TFEB: variants seen among roughly 807,000 people sequenced by gnomAD.
TFEB encodes the protein transcription factor EB.
A neutral mutation model predicts 48.0 loss-of-function variants in TFEB; 12 were observed. The ratio of observed to expected loss-of-function variants is 0.25; its 90% CI spans 0.16 to 0.40. TFEB has a LOEUF of 0.40. Ranked by LOEUF, TFEB falls within the 10% of genes least tolerant of loss-of-function variation. The probability of loss-of-function intolerance (pLI) is 1.00; values close to 1 mark genes in which losing one functional copy is unlikely to be tolerated. For synonymous variants in TFEB, 244 were observed against 261.4 expected (o/e 0.93, Z 0.64); for missense variants, 509 against 640.3 (o/e 0.79, Z 2.21).
intron 6 of TFEB, among the ~76,000 whole-genome samples, 190 bp from the exon 7 acceptor site, chr6:41,687,359 G>T (rs1287877978): frequency 6.6e-6 from 1 of 152,174 alleles, no homozygotes; most frequent in East Asian, 1.9e-4. Context: ...GCAAAGGCCA[G>T]ACACAATTAA....
intron 1 of TFEB, among the ~76,000 whole-genome samples, chr6:41,721,727 C>T (rs564812468): frequency 3.9e-4 from 60 of 152,226 alleles, no homozygotes; most frequent in Non-Finnish European, 5.0e-4. Flanking sequence ...TCACCATCAC[C>T]CTAGGAGATA....
chr6:41,686,329 G>C, intron 7 of TFEB, 92 bp from the exon 8 acceptor site: 8 of 1,530,858 alleles, frequency 5.2e-6, no homozygotes, highest in Non-Finnish European at 7.1e-6. Flanking sequence ...TATGTGGCCT[G>C]TCCCAGTCTT....
chr6:41,684,662 G>T lies in TFEB; in HGVS notation c.1368C>A (p.Pro456=), dbSNP rs139541095. The change falls in exon 9 of 9, where the codon CCC becomes CCA. Residue 456 remains proline, a synonymous_variant. Coordinates refer to ENST00000373033, the MANE Select transcript of TFEB (RefSeq NM_001271944.2). ...GGCGGCTGCTGGCCTTGGAGGCCTC[G>T]GGGGACATGGTGGACAGAAGTGGAT... The part of the protein sequence containing the change: ...ASDPLLSTMS[P]EASKASSRRS... 2.5e-6 allele frequency: 4 copies of T among 1,612,394 alleles called. No homozygotes were observed. In the African/African-American group the frequency reaches 5.3e-5, roughly 22 times the overall value.
chr6:41,729,113 G>A (rs1032247547), intron 1 of TFEB, among the ~76,000 whole-genome samples: 16 of 151,606 alleles, frequency 1.1e-4, no homozygotes, highest in Non-Finnish European at 2.9e-5. Context: ...CGCCTCCCCT[G>A]CAGCAGGGCT....
At chr6:41,699,010 A>C (rs755232080) in intron 1 of TFEB, among the ~76,000 whole-genome samples, 2 of 152,182 alleles carry the variant, frequency 1.3e-5, no homozygotes, top group East Asian at 3.9e-4. Flanking sequence ...GAGGGGTGGA[A>C]AGGTATCCTA....
At chr6:41,706,472 A>C (rs1770225847) in intron 1 of TFEB, among the ~76,000 whole-genome samples, 1 of 151,788 alleles carries the variant, frequency 6.6e-6, no homozygotes, top group Non-Finnish European at 1.5e-5. Flanking sequence ...CTCCCCTCAC[A>C]ACACACACCT....
At chr6:41,696,761 A>G (rs1465555515) in intron 1 of TFEB, among the ~76,000 whole-genome samples, 1 of 152,222 alleles carries the variant, frequency 6.6e-6, no homozygotes, top group Non-Finnish European at 1.5e-5. Context: ...CTACAAAGCA[A>G]TGACAGCAAA....
At chr6:41,713,946 C>G (rs563216054) in intron 1 of TFEB, among the ~76,000 whole-genome samples, 1 of 152,344 alleles carries the variant, frequency 6.6e-6, no homozygotes, top group East Asian at 1.9e-4. Context: ...CCCACAGGAA[C>G]CCCCCAGCCT....
At chr6:41,700,227 G>A (rs181677732) in intron 1 of TFEB, among the ~76,000 whole-genome samples, 48 of 152,326 alleles carry the variant, frequency 3.2e-4, no homozygotes, top group African/African-American at 1.0e-3. Flanking sequence ...AGCACTTTGG[G>A]AGGCTGAGGC....
intron 1 of TFEB, among the ~76,000 whole-genome samples, chr6:41,703,320 T>C (rs1770034990): frequency 6.6e-6 from 1 of 152,142 alleles, no homozygotes; most frequent in South Asian, 2.1e-4. Context: ...CCTGCATCTG[T>C]CCTGAGTTCT....
rs118013514 is a variant in TFEB, at chr6:41,723,314, C to A, written c.-23+12036G>T. The A allele has an allele frequency of 0.032, 15,011 of 464,526 alleles. 430 individuals carry two copies. Among genetic ancestry groups the A allele is most frequent in the East Asian group, 0.089 (1,130 of 12,626 alleles). 28.8% of individuals were successfully genotyped at this position (464,526 alleles called of 1,614,324 possible). ...GCCAGTGCAGCCTGAGGGGCCTCAT[C>A]CCTACCCACCCACCTCCCCAAAGAC... On this transcript the variant is annotated intron_variant, in intron 1 of 8. Transcript: ENST00000373033. This position sits in a 1 kb window ranked among gnomAD's most constrained non-coding sequence, Gnocchi z 6.0.
upstream of TFEB, chr6:41,735,646 G>A: frequency 1.2e-6 from 1 of 839,486 alleles, no homozygotes; most frequent in Non-Finnish European, 1.4e-6. Flanking sequence ...GGCAGCACCC[G>A]CCCCGCCTCC....
Position 41,734,233 on chromosome 6 carries a change from G to T in TFEB, c.-23+1117C>A, listed in dbSNP as rs1282320618. On this transcript the variant is annotated intron_variant, in intron 1 of 8. Coordinates refer to ENST00000373033, the MANE Select transcript of TFEB (RefSeq NM_001271944.2). This position sits in a 1 kb window ranked among gnomAD's most constrained non-coding sequence, Gnocchi z 4.0. ...GGGAAGGCGCAGCGGCCAGGGGCTGGCGGAGAGCGGAGGGCGGGGGCCTGG... is the reference window on the plus strand; with the variant it reads ...GGGAAGGCGCAGCGGCCAGGGGCTGTCGGAGAGCGGAGGGCGGGGGCCTGG... 1 of 508,250 alleles carries T rather than the reference G, an allele frequency of 2.0e-6. No homozygotes were observed. The highest frequency in any genetic ancestry group is 2.1e-5 in the African/African-American group (1 of 48,132). 31.5% of individuals were successfully genotyped at this position (508,250 alleles called of 1,614,324 possible). A position where few individuals can be genotyped will look rare whatever the true frequency, so the allele number is the denominator to read the frequency against.
intron 1 of TFEB, among the ~76,000 whole-genome samples, chr6:41,708,714 G>A (rs13193232): frequency 0.1 from 15,574 of 152,254 alleles, 1,086 homozygotes; most frequent in Admixed American, 0.18. Context: ...TGAGGAGGCA[G>A]TTATGACCTG....
chr6:41,693,539 G>A (rs1035751869), intron 1 of TFEB, among the ~76,000 whole-genome samples: 7 of 152,100 alleles, frequency 4.6e-5, no homozygotes, highest in Non-Finnish European at 7.4e-5. Flanking sequence ...GCTTATTGCA[G>A]GCTGCCTGGC....
intron 1 of TFEB, among the ~76,000 whole-genome samples, chr6:41,731,850 G>T (rs997509489): frequency 2.0e-5 from 3 of 152,156 alleles, no homozygotes; most frequent in African/African-American, 7.2e-5. Context: ...CTCCCTTCCT[G>T]GGTGTCTGGG....
chr6:41,731,074 T>C (rs1383015627), intron 1 of TFEB, among the ~76,000 whole-genome samples: 2 of 152,164 alleles, frequency 1.3e-5, no homozygotes, highest in Non-Finnish European at 1.5e-5. Context: ...CACTTAAGAA[T>C]GAGAAATAAA....
At chr6:41,697,988 T>C (rs1769698479) in intron 1 of TFEB, among the ~76,000 whole-genome samples, 1 of 152,224 alleles carries the variant, frequency 6.6e-6, no homozygotes, top group African/African-American at 2.4e-5. Context: ...TTTAAAAGCC[T>C]TTTGGAATGT....
intron 1 of TFEB, among the ~76,000 whole-genome samples, chr6:41,725,590 C>G (rs951405198): frequency 6.6e-6 from 1 of 152,232 alleles, no homozygotes; most frequent in Non-Finnish European, 1.5e-5. Flanking sequence ...TACATGCCAA[C>G]CCCCTTCCTG....
Sources: gnomAD v4.1 joint callset for allele counts (sites outside exome capture counted in the v4.1 genomes callset) on GRCh38, gnomAD v4.1.1 for gene constraint, Gnocchi (gnomAD v3.1) non-coding constraint, MANE v1.5 for transcripts, NCBI Gene and HGNC (gene_info 2026-07-23, HGNC 2026-07-21) for gene names.